Variants in GLIS3 observed in about 807,000 individuals in gnomAD.
GLIS3 encodes GLIS family zinc finger 3.
Under a neutral mutation model 78.6 loss-of-function variants are expected in GLIS3, and 53 were observed. That is an observed-to-expected ratio of 0.67 (90% CI 0.54 to 0.85). The LOEUF is 0.85. GLIS3 is among the 40% of genes least tolerant of loss of function. The pLI is 0.00. For synonymous variants in GLIS3, 684 were observed against 509.9 expected, an observed-to-expected ratio of 1.34 and a Z score of -4.60; for missense variants, 1,703 against 1,231.1, an observed-to-expected ratio of 1.38 and a Z score of -5.74.
chr9:3,875,260 T>C (rs79902173), intron 8 of GLIS3, among the ~76,000 whole-genome samples: 11,850 of 152,260 alleles, frequency 0.078, 781 homozygotes, highest in African/African-American at 0.17. Flanking sequence ...AGTGTGCTGC[T>C]TAAATCACTG....
intron 2 of GLIS3, among the ~76,000 whole-genome samples, chr9:4,154,464 A>G (rs181391273): frequency 5.7e-4 from 87 of 152,380 alleles, no homozygotes; most frequent in Admixed American, 1.8e-3. Flanking sequence ...GCAGAAGGCA[A>G]AGATAAACAG....
chr9:4,397,236 G>A, the GLIS3 span, among the ~76,000 whole-genome samples: 20,995 of 127,878 alleles, frequency 0.16, 2,661 homozygotes, highest in East Asian at 0.31. Flanking sequence ...CGTTTTAGCC[G>A]GGATGGTCTC....
chr9:4,117,275 A>G (rs1831725623), intron 4 of GLIS3, among the ~76,000 whole-genome samples: 1 of 152,232 alleles, frequency 6.6e-6, no homozygotes, highest in Non-Finnish European at 1.5e-5. Flanking sequence ...ATGTGGATGC[A>G]TGCCGAAACA....
chr9:4,473,274 T>C, the GLIS3 span, among the ~76,000 whole-genome samples: 1 of 151,932 alleles, frequency 6.6e-6, no homozygotes. Flanking sequence ...GGTGAAACCT[T>C]GTCTCTACTA....
the GLIS3 span, among the ~76,000 whole-genome samples, chr9:4,470,293 C>T: frequency 1.3e-5 from 2 of 151,456 alleles, no homozygotes; most frequent in South Asian, 2.1e-4. Flanking sequence ...CTGGCAGAGA[C>T]AAAAAAAAGA....
At chr9:3,871,828 GCTC>G (rs1301278500) in intron 8 of GLIS3, among the ~76,000 whole-genome samples, 5 of 152,282 alleles carry the variant, frequency 3.3e-5, no homozygotes, top group South Asian at 2.1e-4. Context: ...TTAACATTTG[GCTC>G]CTCGTTACTT....
chr9:4,363,932 T>C, the GLIS3 span, among the ~76,000 whole-genome samples: 10 of 152,298 alleles, frequency 6.6e-5, no homozygotes, highest in African/African-American at 2.4e-4. Flanking sequence ...GGAAGCAGGG[T>C]GGGACTCCTA....
At chr9:3,849,764 C>G (rs1819303290) in intron 9 of GLIS3, among the ~76,000 whole-genome samples, 1 of 152,062 alleles carries the variant, frequency 6.6e-6, no homozygotes, top group African/African-American at 2.4e-5. Context: ...AAAAAATTAG[C>G]CAGGCATGGT....
chr9:3,987,761 CAAAAAA>C (rs60986898), intron 4 of GLIS3, among the ~76,000 whole-genome samples: 12 of 10,474 alleles, frequency 1.1e-3, no homozygotes, highest in Non-Finnish European at 6.9e-4. Flanking sequence ...CTGGATTTGG[CAAAAAA>C]AAAAAAAAAA....
At chr9:4,315,198 C>T (rs10739045) in intron 2 of GLIS3, among the ~76,000 whole-genome samples, 59,528 of 152,028 alleles carry the variant, frequency 0.39, 11,995 homozygotes, top group African/African-American at 0.48. Flanking sequence ...TCATGTGTCC[C>T]AGATGCATTT....
chr9:3,971,025 T>G, intron 4 of GLIS3, among the ~76,000 whole-genome samples: 2 of 143,820 alleles, frequency 1.4e-5, no homozygotes, highest in African/African-American at 5.2e-5. Context: ...GAAGGGAGGA[T>G]CGATCAAAGG....
chr9:3,976,964 C>T (rs1341831775), intron 4 of GLIS3, among the ~76,000 whole-genome samples: 1 of 151,072 alleles, frequency 6.6e-6, no homozygotes, highest in Non-Finnish European at 1.5e-5. Flanking sequence ...TTCAATTTAG[C>T]CCTTGAATCA....
intron 2 of GLIS3, among the ~76,000 whole-genome samples, chr9:4,188,769 C>G (rs1016738787): frequency 2.6e-5 from 4 of 152,134 alleles, no homozygotes; most frequent in Admixed American, 6.5e-5. Flanking sequence ...TCTAGATTTT[C>G]TAGTTTATTT....
rs535602722 is a variant in GLIS3 at position 3,987,473 on chromosome 9, G to A, written c.1711-50284C>T. Among the ~76,000 whole-genome samples, 19 of 151,882 alleles carry A rather than the reference G, an allele frequency of 1.3e-4. 1 individual carries two copies. The highest frequency in any genetic ancestry group is 7.8e-4 in the East Asian group (4 of 5,148). ...TCCTAGCACTTTGGGAGGCCAAGGC[G>A]GGTGGATCACCTGAGGTCAGGAGTT... On this transcript the variant is annotated intron_variant, in intron 4 of 10. Transcript: ENST00000381971.
chr9:4,357,129 T>C, the GLIS3 span, among the ~76,000 whole-genome samples: 1 of 152,232 alleles, frequency 6.6e-6, no homozygotes, highest in African/African-American at 2.4e-5. Flanking sequence ...TTTGTTCTTA[T>C]TTAAAATCTT....
rs745331207 is a variant in GLIS3, at chr9:3,829,504, G to A, written c.2474-12C>T. 12 of 1,613,796 alleles carry A rather than the reference G, an allele frequency of 7.4e-6. No homozygotes were observed. The highest frequency in any genetic ancestry group is 1.0e-5 in the Non-Finnish European group (12 of 1,179,910). ...CTGCCCATAAAATCCTGAAACGCAA[G>A]CATGGCATTGAGCACAAGTTCCTTT... On this transcript the variant is annotated splice_polypyrimidine_tract_variant and intron_variant, in intron 9 of 10. Transcript: ENST00000381971.
chr9:3,866,553 G>C (rs1820600909), intron 8 of GLIS3, among the ~76,000 whole-genome samples: 1 of 152,182 alleles, frequency 6.6e-6, no homozygotes, highest in Admixed American at 6.5e-5. Context: ...CATCACAAAG[G>C]AAGGCACAGG....
intron 4 of GLIS3, among the ~76,000 whole-genome samples, chr9:4,044,485 G>A (rs1030969644): frequency 1.3e-5 from 2 of 152,122 alleles, no homozygotes; most frequent in African/African-American, 2.4e-5. Context: ...GCTACTCCAC[G>A]CCTGGTCCTA....
At chr9:4,189,013 T>C (rs1427145630) in intron 2 of GLIS3, among the ~76,000 whole-genome samples, 1 of 152,088 alleles carries the variant, frequency 6.6e-6, no homozygotes, top group African/African-American at 2.4e-5. Flanking sequence ...CTGCTCTGAT[T>C]TTAGTTATTT....
Sources: allele counts gnomAD v4.1 joint callset (sites outside exome capture counted in the v4.1 genomes callset), GRCh38; gene constraint gnomAD v4.1.1; transcripts MANE v1.5; gene names NCBI Gene and HGNC (gene_info 2026-07-23, HGNC 2026-07-21).